KCNMB2: variants seen among roughly 807,000 people sequenced by gnomAD.
KCNMB2 encodes calcium-activated potassium channel subunit beta-2.
Under a neutral mutation model 24.5 loss-of-function variants are expected in KCNMB2, and 9 were observed. The observed-to-expected ratio is 0.37, with a 90% CI of 0.22 to 0.64. The LOEUF is 0.64. KCNMB2 is among the 30% of genes least tolerant of loss of function. The probability of loss-of-function intolerance (pLI) is 0.63; values close to 1 mark genes in which losing one functional copy is unlikely to be tolerated. For synonymous variants in KCNMB2, 109 were observed against 104.4 expected (o/e 1.04, Z -0.27); for missense variants, 226 against 284.3 (o/e 0.79, Z 1.47).
chr3:178,747,004 A>T (rs983010625), intron 1 of KCNMB2: 1 of 152,562 alleles, frequency 6.6e-6, no homozygotes, highest in African/African-American at 2.4e-5. Flanking sequence ...ACCCAGTTCC[A>T]ATGTTGCTTC....
rs531436101 is a variant in KCNMB2, at chr3:178,668,863, T to C, written c.-68+132152T>C. ...TTATCTATTACTACTTTTAAAAAAA[T>C]ACTTAAGACTTTATAAAATGGCACA... On this transcript the variant is annotated intron_variant, in intron 1 of 4. Coordinates refer to ENST00000452583, the MANE Select transcript of KCNMB2 (RefSeq NM_181361.3). Among the ~76,000 whole-genome samples, 10 of 152,310 alleles carry C rather than the reference T, an allele frequency of 6.6e-5. No individual in the cohort carries two copies. The South Asian group carries it at 1.9e-3, about 28-fold the overall frequency.
At chr3:178,784,291 G>A (rs935180572) in intron 1 of KCNMB2, among the ~76,000 whole-genome samples, 6 of 152,084 alleles carry the variant, frequency 3.9e-5, no homozygotes, top group Admixed American at 6.6e-5. Flanking sequence ...TACAGATAAG[G>A]ACATTGAGAT....
intron 1 of KCNMB2, among the ~76,000 whole-genome samples, chr3:178,710,468 C>A (rs574306452): frequency 4.6e-5 from 7 of 152,284 alleles, no homozygotes; most frequent in Non-Finnish European, 8.8e-5. Flanking sequence ...AAGCCTCAGA[C>A]CTCAATAATC....
intron 1 of KCNMB2, among the ~76,000 whole-genome samples, chr3:178,768,979 A>G (rs1712237291): frequency 1.3e-5 from 2 of 152,206 alleles, no homozygotes. Flanking sequence ...TAGCAATATT[A>G]GAGAGCTGTC....
At chr3:178,765,636 CGTGTGCAT>C (rs1712085633) in intron 1 of KCNMB2, among the ~76,000 whole-genome samples, 1 of 151,558 alleles carries the variant, frequency 6.6e-6, no homozygotes, top group Admixed American at 6.6e-5. Flanking sequence ...TGTGCACGCG[CGTGTGCAT>C]GTGTGCATGT....
At chr3:178,549,302 T>G (rs988998959) in intron 1 of KCNMB2, among the ~76,000 whole-genome samples, 2 of 150,558 alleles carry the variant, frequency 1.3e-5, no homozygotes, top group African/African-American at 4.9e-5. Flanking sequence ...CCTTTTTCTT[T>G]TATTTTCTTT....
chr3:178,637,841 T>C (rs1719584623), intron 1 of KCNMB2, among the ~76,000 whole-genome samples: 1 of 152,204 alleles, frequency 6.6e-6, no homozygotes, highest in African/African-American at 2.4e-5. Flanking sequence ...ATGTTCCTAC[T>C]TGGGTGTTCT....
At chr3:178,686,698 T>C (rs1721483783) in intron 1 of KCNMB2, among the ~76,000 whole-genome samples, 2 of 152,196 alleles carry the variant, frequency 1.3e-5, no homozygotes, top group South Asian at 2.1e-4. Context: ...CCTAAGTCCA[T>C]GTCTGTATAT....
At chr3:178,642,520 T>A (rs1030918710) in intron 1 of KCNMB2, among the ~76,000 whole-genome samples, 2 of 152,232 alleles carry the variant, frequency 1.3e-5, no homozygotes, top group Non-Finnish European at 2.9e-5. Context: ...CTACCTTTTA[T>A]AATTTTCAAG....
At chr3:178,731,704 G>A (rs866610639) in intron 1 of KCNMB2, among the ~76,000 whole-genome samples, 30 of 152,210 alleles carry the variant, frequency 2.0e-4, no homozygotes, top group African/African-American at 6.3e-4. Context: ...TGGAGTTCAA[G>A]ACCAGCCTGG....
chr3:178,577,932 G>C (rs576285763), intron 1 of KCNMB2, among the ~76,000 whole-genome samples: 1 of 152,240 alleles, frequency 6.6e-6, no homozygotes, highest in African/African-American at 2.4e-5. Flanking sequence ...AGGGAGAATG[G>C]AACCAAGTTG....
At chr3:178,793,249 C>T (rs1406283960) in intron 1 of KCNMB2, among the ~76,000 whole-genome samples, 1 of 152,190 alleles carries the variant, frequency 6.6e-6, no homozygotes, top group African/African-American at 2.4e-5. Flanking sequence ...TCCTCATTAA[C>T]ACTTTCAGCT....
chr3:178,766,730 A>G (rs2108417029), intron 1 of KCNMB2, among the ~76,000 whole-genome samples: 1 of 152,356 alleles, frequency 6.6e-6, no homozygotes, highest in East Asian at 1.9e-4. Context: ...TGATATGTGG[A>G]CGTTACTTTA....
intron 1 of KCNMB2, among the ~76,000 whole-genome samples, chr3:178,668,663 A>C (rs11921195): frequency 0.24 from 35,934 of 151,942 alleles, 4,517 homozygotes; most frequent in Middle Eastern, 0.39. Context: ...ACAGTGTGTA[A>C]AACTGAATCA....
intron 1 of KCNMB2, among the ~76,000 whole-genome samples, chr3:178,626,721 C>T (rs528971638): frequency 1.3e-5 from 2 of 151,992 alleles, no homozygotes; most frequent in African/African-American, 4.8e-5. Context: ...CACGTCTCTC[C>T]CTAGACACAT....
At chr3:178,752,988 A>C (rs1560002395) in intron 1 of KCNMB2, among the ~76,000 whole-genome samples, 1 of 152,176 alleles carries the variant, frequency 6.6e-6, no homozygotes, top group African/African-American at 2.4e-5. Flanking sequence ...GCATTAGGAT[A>C]ATAAAGCAAA....
intron 1 of KCNMB2, among the ~76,000 whole-genome samples, chr3:178,780,994 G>T (rs1054459367): frequency 1.3e-5 from 2 of 152,206 alleles, no homozygotes; most frequent in Non-Finnish European, 2.9e-5. Flanking sequence ...GGTCTGCACT[G>T]CAAAGTGCTA....
At chr3:178,739,552 G>A (rs746450583) in intron 1 of KCNMB2, among the ~76,000 whole-genome samples, 4 of 152,138 alleles carry the variant, frequency 2.6e-5, no homozygotes, top group Non-Finnish European at 5.9e-5. Flanking sequence ...CCATAGGGCA[G>A]ATAGAACTTA....
intron 1 of KCNMB2, among the ~76,000 whole-genome samples, chr3:178,700,779 A>AT (rs1722062790): frequency 6.6e-6 from 1 of 151,532 alleles, no homozygotes; most frequent in South Asian, 2.1e-4. Flanking sequence ...AAAAAAAAAA[A>AT]CCAACAACAA....
Sources: gnomAD v4.1 joint callset for allele counts (sites outside exome capture counted in the v4.1 genomes callset) on GRCh38, gnomAD v4.1.1 for gene constraint, MANE v1.5 for transcripts, NCBI Gene and HGNC (gene_info 2026-07-23, HGNC 2026-07-21) for gene names.